Variants in DGKB observed in about 807,000 individuals in gnomAD.
DGKB encodes diacylglycerol kinase beta.
A neutral mutation model predicts 114.3 loss-of-function variants in DGKB; 67 were observed. The observed-to-expected ratio is 0.59, with a 90% CI of 0.48 to 0.72. DGKB has a LOEUF of 0.72. DGKB is among the 30% of genes least tolerant of loss of function. The pLI is 0.00. For missense variants in DGKB, 907 were observed against 975.2 expected, an observed-to-expected ratio of 0.93 and a Z score of 0.93; for synonymous variants, 398 against 323.1, an observed-to-expected ratio of 1.23 and a Z score of -2.49.
Position 14,621,474 on chromosome 7 carries a change from T to A in DGKB, c.1188A>T (p.Lys396Asn). ...SVPEERQSTV[K>N]KEKSGSQQPN... ...GCTGCTGGGAACCACTCTTTTCCTT[T>A]TTCACTGTTGATTGTCTTTCCTGTA... The change falls in exon 15 of 26, where the codon AAA (lysine) becomes AAT (asparagine). Residue 396 changes from lysine (K) to asparagine (N), a missense_variant. This residue lies in a region of DGKB where 814 missense variants were observed against 856.6 expected (regional missense o/e 0.95). Coordinates refer to ENST00000402815, the MANE Select transcript of DGKB (RefSeq NM_001350709.2). The A allele has an allele frequency of 6.2e-7, 1 of 1,606,698 alleles. No homozygotes were observed. Among genetic ancestry groups the A allele is most frequent in the Non-Finnish European group, 8.5e-7 (1 of 1,176,202 alleles).
intron 23 of DGKB, among the ~76,000 whole-genome samples, chr7:14,182,235 TTTATC>T (rs1251293238): frequency 1.3e-5 from 2 of 151,984 alleles, no homozygotes; most frequent in African/African-American, 4.8e-5. Context: ...TTTTTTTATT[TTTATC>T]TTATGTAATT....
At chr7:14,723,551 G>A (rs1829558689) in intron 5 of DGKB, among the ~76,000 whole-genome samples, 1 of 149,468 alleles carries the variant, frequency 6.7e-6, no homozygotes, top group Non-Finnish European at 1.5e-5. Context: ...TGAAGCAAAT[G>A]TGTGTGTGTG....
chr7:14,251,298 C>G (rs552002032), intron 23 of DGKB, among the ~76,000 whole-genome samples: 13 of 151,792 alleles, frequency 8.6e-5, no homozygotes, highest in Non-Finnish European at 1.3e-4. Context: ...TACAGATTTT[C>G]TTTTTGGTTA....
chr7:14,629,879 T>C (rs1053736025), intron 14 of DGKB, among the ~76,000 whole-genome samples: 2 of 152,130 alleles, frequency 1.3e-5, no homozygotes, highest in South Asian at 2.1e-4. Flanking sequence ...GAATAAATTC[T>C]TTTGGATTTC....
At chr7:14,967,294 G>A (rs1220971150) in intron 1 of DGKB, among the ~76,000 whole-genome samples, 1 of 150,754 alleles carries the variant, frequency 6.6e-6, no homozygotes, top group Non-Finnish European at 1.5e-5. Context: ...AAGAACAAGT[G>A]TTTCCTGACT....
At chr7:14,527,183 G>T (rs924891539) in intron 20 of DGKB, among the ~76,000 whole-genome samples, 9 of 152,040 alleles carry the variant, frequency 5.9e-5, no homozygotes, top group Non-Finnish European at 2.9e-5. Context: ...TAATTGAAAA[G>T]TCATTAAAGC....
intron 23 of DGKB, among the ~76,000 whole-genome samples, chr7:14,264,766 C>A (rs954191037): frequency 6.6e-6 from 1 of 152,064 alleles, no homozygotes. Flanking sequence ...GATATTTCAG[C>A]CCATTTGTGC....
At chr7:14,518,131 A>G (rs1340532979) in intron 20 of DGKB, among the ~76,000 whole-genome samples, 1 of 152,222 alleles carries the variant, frequency 6.6e-6, no homozygotes, top group Non-Finnish European at 1.5e-5. Flanking sequence ...CTATGCAGCC[A>G]TAAAAAAGAA....
intron 20 of DGKB, among the ~76,000 whole-genome samples, chr7:14,482,148 TTAA>T (rs1783074552): frequency 6.6e-6 from 1 of 151,994 alleles, no homozygotes; most frequent in South Asian, 2.1e-4. Flanking sequence ...AAGAATAATT[TTAA>T]TAATACCTGC....
intron 21 of DGKB, among the ~76,000 whole-genome samples, chr7:14,355,484 T>C (rs1353067493): frequency 6.6e-6 from 1 of 152,218 alleles, no homozygotes; most frequent in Non-Finnish European, 1.5e-5. Context: ...GTTTTTAGCA[T>C]GAAGGGCTGT....
chr7:14,738,740 T>A (rs2128406251), intron 4 of DGKB, among the ~76,000 whole-genome samples: 1 of 152,314 alleles, frequency 6.6e-6, no homozygotes, highest in South Asian at 2.1e-4. Flanking sequence ...TTCATTGTTG[T>A]CCTTGTTGCT....
intron 23 of DGKB, among the ~76,000 whole-genome samples, chr7:14,252,676 C>A (rs62445616): frequency 0.11 from 16,366 of 152,118 alleles, 1,080 homozygotes; most frequent in Non-Finnish European, 0.15. Flanking sequence ...AGCCTTGGAC[C>A]GTGGGGCAGG....
intron 21 of DGKB, among the ~76,000 whole-genome samples, chr7:14,457,170 G>A (rs1418394716): frequency 6.6e-6 from 1 of 152,106 alleles, no homozygotes; most frequent in Non-Finnish European, 1.5e-5. Context: ...TATGCCGCAT[G>A]TTAAAATAAT....
chr7:14,939,611 A>T (rs1785454751), intron 1 of DGKB, among the ~76,000 whole-genome samples: 1 of 151,184 alleles, frequency 6.6e-6, no homozygotes, highest in African/African-American at 2.4e-5. Context: ...GCTATCATGA[A>T]AATATAATAC....
intron 21 of DGKB, among the ~76,000 whole-genome samples, chr7:14,391,860 A>C (rs954512820): frequency 6.6e-6 from 1 of 152,230 alleles, no homozygotes; most frequent in Non-Finnish European, 1.5e-5. Context: ...CGTTGGAATG[A>C]TATAATATTG....
At chr7:14,174,401 G>A (rs1020719456) in intron 25 of DGKB, among the ~76,000 whole-genome samples, 3 of 152,138 alleles carry the variant, frequency 2.0e-5, no homozygotes, top group Non-Finnish European at 4.4e-5. Context: ...TGGATGTACA[G>A]GACATTCTAA....
intron 6 of DGKB, 142 bp from the exon 7 acceptor site, chr7:14,701,872 A>C (rs1475936078): frequency 1.6e-6 from 1 of 609,756 alleles, no homozygotes; most frequent in African/African-American, 1.9e-5. Context: ...TTGTGGGATT[A>C]TTTCTCAAAC....
In DGKB at chr7:14,787,703, G is replaced by T. The variant is rs547579576; in HGVS notation, c.71-29972C>A. On this transcript the variant is annotated intron_variant, in intron 2 of 25. Coordinates refer to ENST00000402815, the MANE Select transcript of DGKB (RefSeq NM_001350709.2). ...AAGGTGCTGACAAGAAATAATGTGG[G>T]CAGGCAAGTGATTGAGAGGCCTCCC... Among the ~76,000 whole-genome samples the T allele has an allele frequency of 5.9e-5, 9 of 152,262 alleles. No individual in the cohort carries two copies. In the South Asian group the frequency reaches 1.2e-3, roughly 21 times the overall value.
chr7:14,760,630 A>G (rs930078014), intron 2 of DGKB, among the ~76,000 whole-genome samples: 4 of 152,108 alleles, frequency 2.6e-5, no homozygotes, highest in African/African-American at 9.7e-5. Context: ...ACACAGATGC[A>G]TACATTCTGG....
Sources: allele counts gnomAD v4.1 joint callset (sites outside exome capture counted in the v4.1 genomes callset), GRCh38; gene constraint gnomAD v4.1.1; regional missense constraint gnomAD v4.1.1; transcripts MANE v1.5; gene names NCBI Gene and HGNC (gene_info 2026-07-23, HGNC 2026-07-21).